The following KRT78 variants were observed in gnomAD, a reference collection of about 807,000 sequenced individuals.
KRT78 encodes the protein keratin 78, also known as keratin, type II cytoskeletal 78.
In KRT78, 55 loss-of-function variants were observed where a neutral mutation model predicts 51.4. The observed-to-expected ratio is 1.07, with a 90% CI of 0.86 to 1.34. The LOEUF (loss-of-function observed/expected upper bound fraction) is 1.34, where lower values mean the gene tolerates loss of function less well. Among genes scored for constraint, KRT78 ranks in the 40% most tolerant of loss-of-function variants. KRT78 has a pLI of 0.00. For missense variants in KRT78, 652 were observed against 649.4 expected, an observed-to-expected ratio of 1.00 and a Z score of -0.04; for synonymous variants, 291 against 264.3, an observed-to-expected ratio of 1.10 and a Z score of -0.98.
intron 6 of KRT78, among the ~76,000 whole-genome samples, chr12:52,842,697 C>G (rs1396766116): frequency 6.6e-6 from 1 of 152,020 alleles, no homozygotes; most frequent in African/African-American, 2.4e-5. Context: ...GCTGGTGGAT[C>G]ACCTGATGTC....
At position 52,839,064 on chromosome 12, in the gene KRT78, G is replaced by C. The variant is rs370508710; in HGVS notation, c.*49C>G. The C allele has an allele frequency of 4.9e-5, 78 of 1,579,822 alleles. 1 individual carries two copies. In the African/African-American group the frequency reaches 6.4e-4, roughly 13 times the overall value. ...AGTTGGCCTTGCAGAGCCGGCTGAT[G>C]GGGGGAGTGGGCCAAATGTGTTCAG... is the stretch of plus-strand genomic sequence containing the variant. On this transcript the variant is annotated 3_prime_UTR_variant, in exon 9 of 9. Transcript: ENST00000304620.
rs1193783127 is a variant in KRT78 at position 52,847,906 on chromosome 12, C to G, written c.599+1G>C. 6.2e-7 allele frequency: 1 copy of G among 1,613,988 alleles called. No individual in the cohort carries two copies. Among genetic ancestry groups the G allele is most frequent in the Non-Finnish European group, 8.5e-7 (1 of 1,179,904 alleles). ...GCATGGGGAAATTTCAGTGTGCCTA[C>G]TTGGACTTATACTCCTCCTCCTGGT... On this transcript the variant is annotated splice_donor_variant, in intron 2 of 8. Coordinates refer to ENST00000304620, the MANE Select transcript of KRT78 (RefSeq NM_173352.4). LOFTEE classifies it high-confidence loss of function.
intron 6 of KRT78, among the ~76,000 whole-genome samples, chr12:52,842,936 A>AG (rs1491117311): frequency 1.8e-4 from 21 of 117,138 alleles, no homozygotes; most frequent in East Asian, 1.3e-3. Context: ...GGAAAGAAAG[A>AG]AAGAGAGAGA....
chr12:52,844,210 T>C lies in KRT78; in HGVS notation c.930A>G (p.Glu310=), dbSNP rs2120411566. The C allele has an allele frequency of 2.5e-6, 4 of 1,599,340 alleles. No individual in the cohort carries two copies. Among genetic ancestry groups the C allele is most frequent in the Non-Finnish European group, 3.4e-6 (4 of 1,176,112 alleles). Residue 310 remains glutamate (E), a synonymous_variant, in exon 6 of 9, where the codon GAA becomes GAG. Coordinates refer to ENST00000304620, the MANE Select transcript of KRT78 (RefSeq NM_173352.4). ...CATGAAGCTGGGCAGACACCTGAAGTTCCTGGTACTGAGAGGGGAACAGAG... is the reference window on the plus strand; with the variant it reads ...CATGAAGCTGGGCAGACACCTGAAGCTCCTGGTACTGAGAGGGGAACAGAG... ...AEALYQTKYQ[E]LQVSAQLHGD... is the part of the protein sequence containing the mutation.
At chr12:52,843,925 G>A (rs955782908) in intron 6 of KRT78, among the ~76,000 whole-genome samples, 168 bp downstream of exon 6, 2 of 152,074 alleles carry the variant, frequency 1.3e-5, no homozygotes, top group African/African-American at 4.8e-5. Context: ...CACCCTAGAT[G>A]GGGCTTGAAG....
At chr12:52,842,874 C>T in intron 6 of KRT78, among the ~76,000 whole-genome samples, 1 of 150,092 alleles carries the variant, frequency 6.7e-6, no homozygotes, top group Non-Finnish European at 1.5e-5. Flanking sequence ...GAGATCACGC[C>T]ATTGCACTCC....
intron 2 of KRT78, 131 bp downstream of exon 2, chr12:52,847,776 G>T: frequency 1.4e-6 from 1 of 720,340 alleles, no homozygotes; most frequent in East Asian, 2.7e-5. Flanking sequence ...ATGGGGACGC[G>T]GAGGGGTAGA....
chr12:52,842,700 C>A (rs1940525834), intron 6 of KRT78, among the ~76,000 whole-genome samples: 1 of 151,698 alleles, frequency 6.6e-6, no homozygotes, highest in African/African-American at 2.4e-5. Flanking sequence ...GGTGGATCAC[C>A]TGATGTCAGG....
intron 6 of KRT78, among the ~76,000 whole-genome samples, chr12:52,842,378 A>G (rs934456039): frequency 2.6e-4 from 40 of 152,178 alleles, no homozygotes; most frequent in Non-Finnish European, 5.0e-4. Flanking sequence ...CTTCACATCT[A>G]GAAGTGAGGT....
In KRT78 at chr12:52,838,697, C is replaced by T; in HGVS notation, c.*416G>A. 4.9e-6 allele frequency: 1 copy of T among 205,566 alleles called. No homozygotes were observed. The highest frequency in any genetic ancestry group is 9.9e-6 in the Non-Finnish European group (1 of 101,154). 12.7% of individuals were successfully genotyped at this position (205,566 alleles called of 1,614,324 possible). ...GGGGCTGCCCCAGTCAGGACTAGAA[C>T]CTCTTAAAACAGGCAGTTGATGAGG... On this transcript the variant is annotated 3_prime_UTR_variant, in exon 9 of 9. Transcript: ENST00000304620.
At chr12:52,842,970 G>A (rs1224804119) in intron 6 of KRT78, among the ~76,000 whole-genome samples, 157 of 58,118 alleles carry the variant, frequency 2.7e-3, no homozygotes, top group African/African-American at 5.2e-3. Flanking sequence ...AGGAAGGAAG[G>A]AAGGAAGGAA....
At position 52,844,618 on chromosome 12, in the gene KRT78, G is replaced by A. The variant is rs751229838; in HGVS notation, c.862C>T (p.Arg288Trp). ...CTGCTCCGGGCGATCTCCTCGTACC[G>A]GGCGCGGACCTCAGTGATGATGCTG... ...FSSIITEVRA[R>W]YEEIARSSKA... The change falls in exon 5 of 9, where the codon CGG becomes TGG. Residue 288 changes from arginine to tryptophan, a missense_variant. Coordinates refer to ENST00000304620, the MANE Select transcript of KRT78 (RefSeq NM_173352.4). The A allele has an allele frequency of 8.7e-6, 14 of 1,614,012 alleles. No individual in the cohort carries two copies. The highest frequency in any genetic ancestry group is 5.3e-5 in the African/African-American group (4 of 74,928).
Position 52,839,491 on chromosome 12 carries a change from G to C in KRT78, c.1269-4C>G. Reference sequence around the variant, plus strand: ...GCTGGTGCACTCCCCAGACATCCTAGGGGGAAAAGGACAAGAGGGGGATGC... The same window carrying C: ...GCTGGTGCACTCCCCAGACATCCTACGGGGAAAAGGACAAGAGGGGGATGC... On this transcript the variant is annotated splice_region_variant and splice_polypyrimidine_tract_variant and intron_variant, in intron 7 of 8. Coordinates refer to ENST00000304620, the MANE Select transcript of KRT78 (RefSeq NM_173352.4). 6.3e-7 allele frequency: 1 copy of C among 1,589,130 alleles called. No homozygotes were observed. The highest frequency in any genetic ancestry group is 8.6e-7 in the Non-Finnish European group (1 of 1,168,138).
intron 6 of KRT78, among the ~76,000 whole-genome samples, chr12:52,842,308 A>T (rs1046320282): frequency 3.3e-5 from 5 of 152,114 alleles, no homozygotes. Flanking sequence ...ACCCAAATTG[A>T]TATTTTGGGT....
At position 52,846,582 on chromosome 12, in the gene KRT78, C is replaced by T. The variant is rs148482681; in HGVS notation, c.660+182G>A. Reference sequence around the variant, plus strand: ...AGAGCTCGTCAAGCAGTCCTTTAGTCAGATCTTGCCTTGGGGCCCCTGTGT... The same window carrying T: ...AGAGCTCGTCAAGCAGTCCTTTAGTTAGATCTTGCCTTGGGGCCCCTGTGT... On this transcript the variant is annotated intron_variant, in intron 3 of 8. Transcript: ENST00000304620. Among the ~76,000 whole-genome samples, 369 of 151,864 alleles carry T rather than the reference C, an allele frequency of 2.4e-3. 2 individuals are homozygous for T. Among genetic ancestry groups the T allele is most frequent in the South Asian group, 0.01 (50 of 4,800 alleles).
chr12:52,848,283 C>T lies in KRT78; in HGVS notation c.385-162G>A, dbSNP rs553092524. 3 of 1,538,336 alleles carry T rather than the reference C, an allele frequency of 2.0e-6. No individual in the cohort carries two copies. The South Asian group carries it at 3.6e-5, about 18-fold the overall frequency. On this transcript the variant is annotated intron_variant, in intron 1 of 8. Coordinates refer to ENST00000304620, the MANE Select transcript of KRT78 (RefSeq NM_173352.4). Reference sequence around the variant, plus strand: ...TCATGACCTTCCATGACACTCTGAACACAACAAAATGACTGGACTGACTAA... The same window carrying T: ...TCATGACCTTCCATGACACTCTGAATACAACAAAATGACTGGACTGACTAA...
Position 52,844,530 on chromosome 12 carries a change from G to A in KRT78, c.921+29C>T, listed in dbSNP as rs111852003. The A allele has an allele frequency of 1.7e-3, 2,756 of 1,598,768 alleles. 44 individuals carry two copies. In the African/African-American group the frequency reaches 0.032, roughly 19 times the overall value. On this transcript the variant is annotated intron_variant, in intron 5 of 8. Transcript: ENST00000304620. ...GGGCATGGAGACCTAGCCATTTCCA[G>A]CATGGTGCTGCCCCCCAGGTCCCAC...
In KRT78 at chr12:52,838,005, C is replaced by T. The variant is rs922101640; in HGVS notation, c.*1108G>A. 2.0e-5 allele frequency: 3 copies of T among 152,224 alleles called. No individual in the cohort carries two copies. The highest frequency in any genetic ancestry group is 7.2e-5 in the African/African-American group (3 of 41,440). 9.4% of individuals were successfully genotyped at this position (152,224 alleles called of 1,614,324 possible). On this transcript the variant is annotated 3_prime_UTR_variant, in exon 9 of 9. Coordinates refer to ENST00000304620, the MANE Select transcript of KRT78 (RefSeq NM_173352.4). ...AACAGCAGAGCTGGGATTCAAGCCA[C>T]ATCCTCACCGGCTCTGGTCTCCTTC... is the stretch of plus-strand genomic sequence containing the variant.
rs767397443 is a variant in KRT78 at position 52,844,164 on chromosome 12, T to G, written c.976A>C (p.Lys326Gln). ...TGGTGTAGCTGAGAGATCTGGACTT[T>G]CGTTTCCTGCATCCTGTCCCCATGA... ...QLHGDRMQET[K>Q]VQISQLHQEI... Residue 326 changes from lysine (K) to glutamine (Q), a missense_variant, in exon 6 of 9, where the codon AAA becomes CAA. Transcript: ENST00000304620. 1.9e-6 allele frequency: 3 copies of G among 1,611,950 alleles called. No individual in the cohort carries two copies. Among genetic ancestry groups the G allele is most frequent in the Non-Finnish European group, 2.5e-6 (3 of 1,179,402 alleles).
Sources: gnomAD v4.1 joint callset for allele counts (sites outside exome capture counted in the v4.1 genomes callset) on GRCh38, gnomAD v4.1.1 for gene constraint, MANE v1.5 for transcripts, NCBI Gene and HGNC (gene_info 2026-07-23, HGNC 2026-07-21) for gene names.